CACNA1S: variants seen among roughly 807,000 people sequenced by gnomAD.
The protein encoded by CACNA1S is voltage-dependent L-type calcium channel subunit alpha-1S.
CACNA1S carries 126 observed loss-of-function variants against 207.4 expected under a neutral mutation model. That is an observed-to-expected ratio of 0.61 (90% CI 0.53 to 0.70). CACNA1S has a LOEUF of 0.70. Ranked by LOEUF, CACNA1S falls within the 30% of genes least tolerant of loss-of-function variation. CACNA1S has a pLI of 0.00. For missense variants in CACNA1S, 2,349 were observed against 2,422.8 expected (o/e 0.97, Z 0.64); for synonymous variants, 960 against 932.7 (o/e 1.03, Z -0.53).
intron 2 of CACNA1S, among the ~76,000 whole-genome samples, chr1:201,100,444 T>C (rs1407568978): frequency 6.6e-6 from 1 of 152,212 alleles, no homozygotes; most frequent in Non-Finnish European, 1.5e-5. Context: ...GATGACCTGC[T>C]GAGGAGTGAG....
intron 3 of CACNA1S, among the ~76,000 whole-genome samples, chr1:201,093,161 C>T (rs1029187754): frequency 2.0e-5 from 3 of 152,206 alleles, no homozygotes; most frequent in Non-Finnish European, 4.4e-5. Context: ...TGCTGAAGCC[C>T]TAACCCCTAG....
chr1:201,059,290 G>T lies in CACNA1S; in HGVS notation c.3424C>A (p.Gln1142Lys). ...GAGATGTGGTTCATCTGCTCCGACT[G>T]GTTGTAGTGCTGTGGAGGGGACACA... The part of the protein sequence containing the change: ...TICLGMQHYN[Q>K]SEQMNHISDI... Residue 1142 changes from glutamine to lysine, a missense_variant, in exon 27 of 44, where the codon CAG (glutamine) becomes AAG (lysine). Physicochemically the swap from Gln to Lys is moderately conservative, Grantham distance 53. Coordinates refer to ENST00000362061, the MANE Select transcript of CACNA1S (RefSeq NM_000069.3). 1 of 1,612,080 alleles carries T rather than the reference G, an allele frequency of 6.2e-7. No homozygotes were observed. Among genetic ancestry groups the T allele is most frequent in the South Asian group, 1.1e-5 (1 of 91,022 alleles).
intron 13 of CACNA1S, 23 bp from the exon 14 acceptor site, chr1:201,074,643 C>A (rs758303432): frequency 6.6e-6 from 10 of 1,516,858 alleles, no homozygotes; most frequent in South Asian, 4.5e-5. Context: ...AGCTAAGGAG[C>A]CTTTGGTTGT....
In CACNA1S at chr1:201,047,104, A is replaced by AT; in HGVS notation, c.4668+10dup. 1 of 1,614,108 alleles carries AT rather than the reference A, an allele frequency of 6.2e-7. No homozygotes were observed. Among genetic ancestry groups the AT allele is most frequent in the Non-Finnish European group, 8.5e-7 (1 of 1,180,014 alleles). The stretch of plus-strand genomic sequence containing the variant: ...GGGGAGCCCCTTGGAACATACCTGG[A>AT]TTGGGCTTACCTGGATCTGTACAAT... On this transcript the variant is annotated intron_variant, in intron 38 of 43. Transcript: ENST00000362061.
At chr1:201,074,694 G>GCCCA in intron 13 of CACNA1S, 74 bp from the exon 14 acceptor site, 6 of 938,670 alleles carry the variant, frequency 6.4e-6, no homozygotes, top group Non-Finnish European at 8.5e-6. Context: ...CTGTCTGCCT[G>GCCCA]CATGTGGGCA....
Position 201,039,610 on chromosome 1 carries a change from G to A in CACNA1S, c.*221C>T. 1 of 618,996 alleles carries A rather than the reference G, an allele frequency of 1.6e-6. No homozygotes were observed. The highest frequency in any genetic ancestry group is 2.8e-6 in the Non-Finnish European group (1 of 351,400). 38.3% of individuals were successfully genotyped at this position (618,996 alleles called of 1,614,324 possible). A position where few individuals can be genotyped will look rare whatever the true frequency, so the allele number is the denominator to read the frequency against. ...CAGGCCTTTTTGAATGACATTAGAA[G>A]CTCCATCCAATCATGCCTCTTGCTG... On this transcript the variant is annotated 3_prime_UTR_variant, in exon 44 of 44. Coordinates refer to ENST00000362061, the MANE Select transcript of CACNA1S (RefSeq NM_000069.3).
chr1:201,054,758 G>T (rs1238791864), intron 28 of CACNA1S, among the ~76,000 whole-genome samples, 197 bp from the exon 29 acceptor site: 1 of 152,176 alleles, frequency 6.6e-6, no homozygotes, highest in Non-Finnish European at 1.5e-5. Flanking sequence ...AGCTCTGTGG[G>T]AACTGTGAGG....
chr1:201,089,549 G>T, intron 5 of CACNA1S, 86 bp from the exon 6 acceptor site: 1 of 1,306,432 alleles, frequency 7.7e-7, no homozygotes, highest in Non-Finnish European at 1.1e-6. Context: ...CAATTTAAGA[G>T]AATTGAGCAG....
Position 201,100,544 on chromosome 1 carries a change from G to A in CACNA1S, c.259-6523C>T, listed in dbSNP as rs116817858. On this transcript the variant is annotated intron_variant, in intron 2 of 43. Transcript: ENST00000362061. ...TTGCCATCCTACCTCTGTCTCAGGG[G>A]TCTCATTTCCCTCTTCCAGTTCCCT... Among the ~76,000 whole-genome samples the A allele has an allele frequency of 9.8e-3, 1,492 of 152,278 alleles. 21 individuals are homozygous for A. Among genetic ancestry groups the A allele is most frequent in the African/African-American group, 0.035 (1,434 of 41,542 alleles).
At chr1:201,042,088 A>G (rs1355507790) in intron 40 of CACNA1S, among the ~76,000 whole-genome samples, 7 of 152,168 alleles carry the variant, frequency 4.6e-5, no homozygotes, top group African/African-American at 1.2e-4. Flanking sequence ...CTGCACTCTC[A>G]GGACACTAAA....
At chr1:201,046,174 A>ATTTAT (rs10681450) in intron 38 of CACNA1S, among the ~76,000 whole-genome samples, 22,137 of 120,362 alleles carry the variant, frequency 0.18, 2,788 homozygotes, top group African/African-American at 0.42. Flanking sequence ...TTATTTATTT[A>ATTTAT]TTATTTATTT....
Position 201,047,553 on chromosome 1 carries a change from G to A in CACNA1S, c.4515C>T (p.Leu1505=). The change falls in exon 37 of 44, where the codon CTC becomes CTT. Residue 1505 remains leucine (L), a synonymous_variant. Coordinates refer to ENST00000362061, the MANE Select transcript of CACNA1S (RefSeq NM_000069.3). ...KKIWKRTSMK[L]LDQVIPPIGD... ...CTATTGGAGGGATGACCTGGTCCAA[G>A]AGCTTCATGCTGGTTCTCTTCCAGA... The A allele has an allele frequency of 6.2e-7, 1 of 1,614,156 alleles. No individual in the cohort carries two copies. The highest frequency in any genetic ancestry group is 1.6e-4 in the Middle Eastern group (1 of 6,062).
Position 201,112,107 on chromosome 1 carries a change from G to C in CACNA1S, c.152+81C>G, listed in dbSNP as rs1663136982. ...GCCAGGCCTCCCTGGCCCTCCTGTAGGAAGTTTGTGCTCTGTGATCACCCC... is the reference window on the plus strand; with the variant it reads ...GCCAGGCCTCCCTGGCCCTCCTGTACGAAGTTTGTGCTCTGTGATCACCCC... On this transcript the variant is annotated intron_variant, in intron 1 of 43. Coordinates refer to ENST00000362061, the MANE Select transcript of CACNA1S (RefSeq NM_000069.3). 3 of 1,432,782 alleles carry C rather than the reference G, an allele frequency of 2.1e-6. No individual in the cohort carries two copies. The South Asian group carries it at 3.7e-5, about 18-fold the overall frequency. The allele number at this position is 1,432,782 out of a possible 1,614,324, so 88.8% of individuals were successfully genotyped here. A position where few individuals can be genotyped will look rare whatever the true frequency, so the allele number is the denominator to read the frequency against.
In CACNA1S at chr1:201,053,591, C is replaced by T. The variant is rs762497596; in HGVS notation, c.3667-4G>A. On this transcript the variant is annotated splice_region_variant and splice_polypyrimidine_tract_variant and intron_variant, in intron 29 of 43. Coordinates refer to ENST00000362061, the MANE Select transcript of CACNA1S (RefSeq NM_000069.3). The surrounding 1 kb of genome is among the most constrained non-coding windows in gnomAD (Gnocchi z 5.1). ...TGCGGGCACTCTCATCTGGGTCCTG[C>T]GGGGCAGCAGCCCCAGAGGTCAGTC... is the stretch of plus-strand genomic sequence containing the variant. The T allele has an allele frequency of 1.3e-5, 21 of 1,566,122 alleles. No individual in the cohort carries two copies. The highest frequency in any genetic ancestry group is 5.5e-5 in the South Asian group (5 of 90,612).
At chr1:201,069,654 G>A in intron 17 of CACNA1S, 53 bp from the exon 18 acceptor site, 1 of 1,545,828 alleles carries the variant, frequency 6.5e-7, no homozygotes, top group Non-Finnish European at 8.7e-7. Context: ...TGGAGGCTCA[G>A]GCCTCATCAG....
intron 35 of CACNA1S, 145 bp downstream of exon 35, chr1:201,048,858 G>C (rs1660558440): frequency 1.2e-6 from 1 of 830,110 alleles, no homozygotes; most frequent in Non-Finnish European, 2.0e-6. Context: ...ACATTGCTGA[G>C]ACTTCAGGCC....
At chr1:201,050,245 G>T in intron 34 of CACNA1S, 144 bp downstream of exon 34, 1 of 927,790 alleles carries the variant, frequency 1.1e-6, no homozygotes, top group Non-Finnish European at 1.7e-6. Flanking sequence ...GAGATACTCT[G>T]ATTCTCTGAT....
intron 2 of CACNA1S, among the ~76,000 whole-genome samples, chr1:201,095,773 A>T (rs1662400343): frequency 6.6e-6 from 1 of 152,096 alleles, no homozygotes; most frequent in Non-Finnish European, 1.5e-5. Context: ...ACTCTTGGGG[A>T]ATCGTGGGGC....
chr1:201,099,472 C>T (rs1480842727), intron 2 of CACNA1S, among the ~76,000 whole-genome samples: 1 of 152,230 alleles, frequency 6.6e-6, no homozygotes, highest in Non-Finnish European at 1.5e-5. Flanking sequence ...GCCTGAAAAT[C>T]TCCTTCTTTA....
Sources: allele counts gnomAD v4.1 joint callset (sites outside exome capture counted in the v4.1 genomes callset), GRCh38; gene constraint gnomAD v4.1.1; non-coding constraint Gnocchi (gnomAD v3.1); transcripts MANE v1.5; gene names NCBI Gene and HGNC (gene_info 2026-07-23, HGNC 2026-07-21).